Variants in CSGALNACT1 observed in about 807,000 individuals in gnomAD.
The protein encoded by CSGALNACT1 is beta4GalNAcT-1.
In CSGALNACT1, 52 loss-of-function variants were observed where a neutral mutation model predicts 51.0. The ratio of observed to expected loss-of-function variants is 1.02; its 90% CI spans 0.82 to 1.29. The LOEUF is 1.29. Among genes scored for constraint, CSGALNACT1 ranks in the 50% most tolerant of loss-of-function variants. The probability of loss-of-function intolerance (pLI) is 0.00; values close to 1 mark genes in which losing one functional copy is unlikely to be tolerated. For missense variants in CSGALNACT1, 935 were observed against 679.2 expected (o/e 1.38, Z -4.19); for synonymous variants, 341 against 254.4 (o/e 1.34, Z -3.24).
chr8:19,459,081 G>A (rs141345073), intron 4 of CSGALNACT1, among the ~76,000 whole-genome samples: 114 of 152,160 alleles, frequency 7.5e-4, no homozygotes, highest in African/African-American at 2.2e-3. Flanking sequence ...ATAAAATTAT[G>A]TCTTAGAAAT....
chr8:19,691,265 C>T (rs2061302293), intron 1 of CSGALNACT1, among the ~76,000 whole-genome samples: 1 of 152,078 alleles, frequency 6.6e-6, no homozygotes, highest in Non-Finnish European at 1.5e-5. Context: ...TGGGAAGTTC[C>T]CCATAAATTT....
At chr8:19,500,409 C>T (rs2153984346) in intron 4 of CSGALNACT1, among the ~76,000 whole-genome samples, 1 of 151,920 alleles carries the variant, frequency 6.6e-6, no homozygotes, top group South Asian at 2.1e-4. Context: ...TCTCAAATGC[C>T]CAGAATGCAC....
chr8:19,647,679 C>T (rs928480426), intron 1 of CSGALNACT1, among the ~76,000 whole-genome samples: 6 of 152,132 alleles, frequency 3.9e-5, no homozygotes, highest in African/African-American at 1.4e-4. Flanking sequence ...AAATGTAACA[C>T]AGATAAAGAA....
At chr8:19,563,152 T>C (rs1159164807) in intron 3 of CSGALNACT1, among the ~76,000 whole-genome samples, 1 of 152,126 alleles carries the variant, frequency 6.6e-6, no homozygotes, top group Non-Finnish European at 1.5e-5. Flanking sequence ...CTAGAAGCCA[T>C]TAACCTTAGC....
intron 3 of CSGALNACT1, among the ~76,000 whole-genome samples, chr8:19,587,061 G>C (rs1015224649): frequency 6.6e-6 from 1 of 152,158 alleles, no homozygotes; most frequent in Non-Finnish European, 1.5e-5. Flanking sequence ...AAATGTGTTT[G>C]AGTTATTGGC....
chr8:19,590,085 T>C (rs546766244), intron 3 of CSGALNACT1, among the ~76,000 whole-genome samples: 34 of 152,340 alleles, frequency 2.2e-4, no homozygotes, highest in Middle Eastern at 3.4e-3. Flanking sequence ...GTCATCTTAT[T>C]ATCTCTGCCT....
chr8:19,473,738 A>C (rs2068751749), intron 4 of CSGALNACT1, among the ~76,000 whole-genome samples: 1 of 152,230 alleles, frequency 6.6e-6, no homozygotes, highest in Non-Finnish European at 1.5e-5. Context: ...TTAGTGGTGG[A>C]AATTCATTTT....
At chr8:19,548,157 G>A (rs1309014394) in intron 3 of CSGALNACT1, among the ~76,000 whole-genome samples, 1 of 152,184 alleles carries the variant, frequency 6.6e-6, no homozygotes, top group East Asian at 1.9e-4. Flanking sequence ...AATTATTAAA[G>A]AGAGGAGAGG....
intron 5 of CSGALNACT1, among the ~76,000 whole-genome samples, chr8:19,445,489 A>G (rs1166815524): frequency 1.3e-5 from 2 of 152,244 alleles, no homozygotes; most frequent in Non-Finnish European, 2.9e-5. Flanking sequence ...GCGTCTTAAA[A>G]AAGGCAAAGT....
chr8:19,611,760 T>A (rs2052300671), intron 1 of CSGALNACT1, among the ~76,000 whole-genome samples: 1 of 152,148 alleles, frequency 6.6e-6, no homozygotes, highest in Admixed American at 6.5e-5. Flanking sequence ...TGAATGCTAA[T>A]CTTTTGCATG....
chr8:19,567,624 G>C (rs2042156029), intron 3 of CSGALNACT1, among the ~76,000 whole-genome samples: 1 of 152,164 alleles, frequency 6.6e-6, no homozygotes, highest in African/African-American at 2.4e-5. Context: ...CAAGATCTAA[G>C]CCTATGCAAT....
chr8:19,693,812 C>A (rs1182913852), intron 1 of CSGALNACT1, among the ~76,000 whole-genome samples: 1 of 152,176 alleles, frequency 6.6e-6, no homozygotes, highest in African/African-American at 2.4e-5. Flanking sequence ...CCTTCCCCTT[C>A]TTGAATTCGG....
At chr8:19,563,851 T>TCC (rs1000766189) in intron 3 of CSGALNACT1, among the ~76,000 whole-genome samples, 1 of 151,594 alleles carries the variant, frequency 6.6e-6, no homozygotes, top group Non-Finnish European at 1.5e-5. Flanking sequence ...GCCTCCAACC[T>TCC]CCCCTTCAGC....
At chr8:19,415,329 C>T (rs2056665620) in intron 8 of CSGALNACT1, among the ~76,000 whole-genome samples, 1 of 152,208 alleles carries the variant, frequency 6.6e-6, no homozygotes, top group Admixed American at 6.5e-5. Context: ...GCATACTCTT[C>T]TTTTGGGAAG....
chr8:19,406,735 C>A (rs1023830112), intron 9 of CSGALNACT1, among the ~76,000 whole-genome samples: 1 of 151,898 alleles, frequency 6.6e-6, no homozygotes, highest in Non-Finnish European at 1.5e-5. Context: ...CCTTCTCCTG[C>A]CACTGCAAAC....
intron 1 of CSGALNACT1, among the ~76,000 whole-genome samples, chr8:19,622,764 TA>T: frequency 6.6e-6 from 1 of 150,732 alleles, no homozygotes; most frequent in East Asian, 2.0e-4. Context: ...AGGGGGGAAA[TA>T]AAAAAGTAAT....
intron 3 of CSGALNACT1, among the ~76,000 whole-genome samples, chr8:19,575,575 A>G (rs1312622912): frequency 6.6e-6 from 1 of 152,226 alleles, no homozygotes; most frequent in Non-Finnish European, 1.5e-5. Context: ...GCAAGTGTTA[A>G]AACAAAACAA....
rs148642178 is a variant in CSGALNACT1, at chr8:19,736,830, A to G, written c.-297+21020T>C. On this transcript the variant is annotated intron_variant, in intron 1 of 1. Coordinates refer to the CSGALNACT1 transcript ENST00000517494. ...AGGAAACACCAGAAACATTGGGGAA[A>G]GAGGTTATTTTCAAAGAAATAATGG... 1.2e-3 allele frequency among the ~76,000 whole-genome samples: 178 copies of G among 152,296 alleles called. 4 individuals are homozygous for G. Among genetic ancestry groups the G allele is most frequent in the Non-Finnish European group, 2.2e-3 (150 of 67,990 alleles).
Position 19,601,882 on chromosome 8 carries a change from A to C in CSGALNACT1, c.-510-17T>G. 2.2e-6 allele frequency: 1 copy of C among 454,036 alleles called. No homozygotes were observed. The highest frequency in any genetic ancestry group is 4.4e-6 in the Non-Finnish European group (1 of 226,782). The allele number at this position is 454,036 out of a possible 1,614,324, so 28.1% of individuals were successfully genotyped here. A position where few individuals can be genotyped will look rare whatever the true frequency, so the allele number is the denominator to read the frequency against. ...GGAAGGCAGCTAAAATAAAATAAAA[A>C]CAAAAGGCAACCCTTGTAAATTTCC... On this transcript the variant is annotated splice_polypyrimidine_tract_variant and intron_variant, in intron 1 of 9. Transcript: ENST00000454498.
Sources: gnomAD v4.1 joint callset for allele counts (sites outside exome capture counted in the v4.1 genomes callset) on GRCh38, gnomAD v4.1.1 for gene constraint, MANE v1.5 for transcripts, NCBI Gene and HGNC (gene_info 2026-07-23, HGNC 2026-07-21) for gene names.